CNTNAP2: variants seen among roughly 807,000 people sequenced by gnomAD.
The protein encoded by CNTNAP2 is contactin-associated protein-like 2.
CNTNAP2 carries 98 observed loss-of-function variants against 155.2 expected under a neutral mutation model. That is an observed-to-expected ratio of 0.63 (90% confidence interval 0.54 to 0.75). The LOEUF (loss-of-function observed/expected upper bound fraction) is 0.75, where lower values mean the gene tolerates loss of function less well. Ranked by LOEUF, CNTNAP2 falls within the 30% of genes least tolerant of loss-of-function variation. CNTNAP2 has a pLI of 0.00. For missense variants in CNTNAP2, 1,727 were observed against 1,688.1 expected (o/e 1.02, Z -0.40); for synonymous variants, 651 against 631.2 (o/e 1.03, Z -0.47).
intron 1 of CNTNAP2, among the ~76,000 whole-genome samples, chr7:146,563,185 G>A (rs758165726): frequency 3.9e-5 from 6 of 152,140 alleles, no homozygotes; most frequent in Non-Finnish European, 7.4e-5. Context: ...ACAGCCAAAT[G>A]TTTTGTTTCG....
At chr7:147,086,540 G>A (rs7802708) in intron 4 of CNTNAP2, among the ~76,000 whole-genome samples, 107,616 of 151,904 alleles carry the variant, frequency 0.71, 38,128 homozygotes, top group African/African-American at 0.73. Context: ...GGCTCAGTCA[G>A]TAATCCCACC....
intron 1 of CNTNAP2, among the ~76,000 whole-genome samples, chr7:146,520,789 A>G (rs1479574073): frequency 2.6e-5 from 4 of 151,924 alleles, no homozygotes; most frequent in African/African-American, 7.2e-5. Context: ...TCTTAAATAA[A>G]AAAGAAATTC....
At chr7:147,756,718 C>G (rs1185940642) in intron 13 of CNTNAP2, among the ~76,000 whole-genome samples, 1 of 152,144 alleles carries the variant, frequency 6.6e-6, no homozygotes, top group Non-Finnish European at 1.5e-5. Flanking sequence ...ACTCCTTCCT[C>G]TAAGACATCA....
At chr7:146,546,625 GT>G (rs922937907) in intron 1 of CNTNAP2, among the ~76,000 whole-genome samples, 22 of 151,964 alleles carry the variant, frequency 1.4e-4, no homozygotes, top group African/African-American at 5.3e-4. Context: ...TCACACTGCT[GT>G]AAGGGCACAC....
chr7:147,784,525 A>ATATATATG (rs1797707785), intron 13 of CNTNAP2, among the ~76,000 whole-genome samples: 1 of 63,004 alleles, frequency 1.6e-5, no homozygotes, highest in East Asian at 6.0e-4. Context: ...ATATATATAT[A>ATATATATG]TATATATATA....
chr7:148,145,056 C>T (rs1008719168), intron 16 of CNTNAP2, among the ~76,000 whole-genome samples: 1 of 152,084 alleles, frequency 6.6e-6, no homozygotes, highest in Non-Finnish European at 1.5e-5. Flanking sequence ...AAAAAAGAGC[C>T]CTTTCCTTGG....
chr7:146,571,587 C>T (rs1474552540), intron 1 of CNTNAP2, among the ~76,000 whole-genome samples: 1 of 152,076 alleles, frequency 6.6e-6, no homozygotes, highest in African/African-American at 2.4e-5. Context: ...CTCTCCATCC[C>T]ATGCAATTTT....
intron 1 of CNTNAP2, among the ~76,000 whole-genome samples, chr7:146,452,109 A>T (rs974300243): frequency 3.3e-5 from 5 of 151,608 alleles, no homozygotes; most frequent in Non-Finnish European, 7.4e-5. Flanking sequence ...GGGTTTCACC[A>T]TATTAGCCAG....
chr7:146,217,782 C>A (rs1799136979), intron 1 of CNTNAP2, among the ~76,000 whole-genome samples: 1 of 152,008 alleles, frequency 6.6e-6, no homozygotes. Flanking sequence ...TTGAAGCCTC[C>A]TATCTTAACC....
intron 13 of CNTNAP2, among the ~76,000 whole-genome samples, chr7:147,749,599 C>G (rs17133834): frequency 0.011 from 1,668 of 152,222 alleles, 94 homozygotes; most frequent in Admixed American, 0.087. Context: ...GATTTTTCAG[C>G]TATTATATTG....
At chr7:146,679,695 C>T (rs369532721) in intron 1 of CNTNAP2, among the ~76,000 whole-genome samples, 9 of 151,952 alleles carry the variant, frequency 5.9e-5, no homozygotes, top group African/African-American at 2.2e-4. Flanking sequence ...CCTTTCCTTT[C>T]TCTGTCTTCA....
chr7:146,501,802 A>G (rs1278230245), intron 1 of CNTNAP2, among the ~76,000 whole-genome samples: 1 of 152,136 alleles, frequency 6.6e-6, no homozygotes, highest in Non-Finnish European at 1.5e-5. Context: ...GTGTCATTAT[A>G]AGAGAAAGGC....
chr7:148,007,410 T>C (rs560243609), intron 15 of CNTNAP2, among the ~76,000 whole-genome samples: 3 of 152,290 alleles, frequency 2.0e-5, no homozygotes, highest in African/African-American at 4.8e-5. Flanking sequence ...GTTGACAATA[T>C]AGAAATAATC....
chr7:148,385,811 C>T (rs1350999889), intron 22 of CNTNAP2, among the ~76,000 whole-genome samples: 1 of 141,288 alleles, frequency 7.1e-6, no homozygotes, highest in Non-Finnish European at 1.5e-5. Context: ...ACAATGGCAC[C>T]ATTGCAACCT....
intron 1 of CNTNAP2, among the ~76,000 whole-genome samples, chr7:146,751,480 C>A (rs1801902442): frequency 6.6e-6 from 1 of 152,156 alleles, no homozygotes. Context: ...CCTTTCCTTA[C>A]AGGAATTAAA....
intron 8 of CNTNAP2, among the ~76,000 whole-genome samples, chr7:147,244,688 G>A (rs1039639205): frequency 2.0e-5 from 3 of 152,162 alleles, no homozygotes; most frequent in Non-Finnish European, 4.4e-5. Context: ...TAGATGGAGA[G>A]CAGATTTTTA....
At position 147,043,977 on chromosome 7, in the gene CNTNAP2, A is replaced by G. The variant is rs770617588; in HGVS notation, c.473A>G (p.Tyr158Cys). ...TTACAGCATCCGATTATTGCCCGCTATGTGCGCATAGTGCCTCTGGATTGG... is the reference window on the plus strand; with the variant it reads ...TTACAGCATCCGATTATTGCCCGCTGTGTGCGCATAGTGCCTCTGGATTGG... ...HELQHPIIAR[Y>C]VRIVPLDWNG... Residue 158 changes from tyrosine (Y) to cysteine (C), a missense_variant, in exon 4 of 24, where the codon TAT becomes TGT. Tyr to Cys is a radical substitution (Grantham distance 194). Transcript: ENST00000361727. 8 of 1,614,050 alleles carry G rather than the reference A, an allele frequency of 5.0e-6. No homozygotes were observed. Among genetic ancestry groups the G allele is most frequent in the African/African-American group, 1.3e-5 (1 of 74,938 alleles).
At chr7:146,154,444 T>G in intron 1 of CNTNAP2, among the ~76,000 whole-genome samples, 1 of 152,210 alleles carries the variant, frequency 6.6e-6, no homozygotes. Flanking sequence ...TCTTCTGCAC[T>G]TTCTTAGACA....
intron 11 of CNTNAP2, among the ~76,000 whole-genome samples, chr7:147,510,391 A>G (rs6951490): frequency 0.018 from 2,704 of 152,224 alleles, 71 homozygotes; most frequent in African/African-American, 0.058. Flanking sequence ...TCACCAGGAC[A>G]GAGGACATAG....
Sources: allele counts gnomAD v4.1 joint callset (sites outside exome capture counted in the v4.1 genomes callset), GRCh38; gene constraint gnomAD v4.1.1; transcripts MANE v1.5; gene names NCBI Gene and HGNC (gene_info 2026-07-23, HGNC 2026-07-21).